Variants in ARID3B observed in about 807,000 individuals in gnomAD.
The protein encoded by ARID3B is AT-rich interaction domain 3B, also known as AT-rich interactive domain-containing protein 3B.
ARID3B carries 10 observed loss-of-function variants against 51.9 expected under a neutral mutation model. That is an observed-to-expected ratio of 0.19 (90% CI 0.12 to 0.33). ARID3B has a LOEUF of 0.33. Among genes scored for constraint, ARID3B ranks in the 10% least tolerant of loss-of-function variants. The pLI, the probability that ARID3B is intolerant of heterozygous loss-of-function variation, is 1.00. For synonymous variants in ARID3B, 205 were observed against 279.5 expected (o/e 0.73, Z 2.66); for missense variants, 483 against 716.3 (o/e 0.67, Z 3.72).
chr15:74,591,406 G>A lies in ARID3B; in HGVS notation c.1137G>A (p.Arg379=). ...GTGGTACCAATACCAGTAGCCCTCG[G>A]ATATCCCCAGCAACCACTCTCAGGA... ...SSSGTNTSSP[R]ISPATTLRKG... Residue 379 remains arginine (R), a synonymous_variant, in exon 6 of 9, where the codon CGG becomes CGA. Coordinates refer to ENST00000346246, the MANE Select transcript of ARID3B (RefSeq NM_006465.4). This position sits in a 1 kb window ranked among gnomAD's most constrained non-coding sequence, Gnocchi z 5.8. 6.2e-7 allele frequency: 1 copy of A among 1,607,624 alleles called. No individual in the cohort carries two copies. Among genetic ancestry groups the A allele is most frequent in the Non-Finnish European group, 8.5e-7 (1 of 1,174,566 alleles).
Position 74,593,189 on chromosome 15 carries a change from T to C in ARID3B, c.1472T>C (p.Ile491Thr), listed in dbSNP as rs756104705. 4.4e-5 allele frequency: 71 copies of C among 1,613,590 alleles called. No homozygotes were observed. Among genetic ancestry groups the C allele is most frequent in the African/African-American group, 9.3e-5 (7 of 74,896 alleles). The change falls in exon 8 of 9, where the codon ATT becomes ACT. Residue 491 changes from isoleucine (I) to threonine (T), a missense_variant. By Grantham distance (89) the Ile-to-Thr change is moderately conservative. This residue lies in a region of ARID3B where 265 missense variants were observed against 354.4 expected (regional missense o/e 0.75). Coordinates refer to ENST00000346246, the MANE Select transcript of ARID3B (RefSeq NM_006465.4). ...AAALNLTTSS[I>T]GSINMSVDID... ...GCACTGAACCTGACCACGAGTAGCATTGGGAGCATTAACATGTCTGTGGAC... is the reference window on the plus strand; with the variant it reads ...GCACTGAACCTGACCACGAGTAGCACTGGGAGCATTAACATGTCTGTGGAC...
chr15:74,585,215 G>T (rs549637704), intron 4 of ARID3B, among the ~76,000 whole-genome samples: 1 of 152,336 alleles, frequency 6.6e-6, no homozygotes, highest in African/African-American at 2.4e-5. Context: ...TCTCTCTTCA[G>T]TGGGTGTTTG....
intron 4 of ARID3B, among the ~76,000 whole-genome samples, chr15:74,581,398 T>C (rs2061761336): frequency 6.6e-6 from 1 of 152,222 alleles, no homozygotes; most frequent in African/African-American, 2.4e-5. Context: ...GTGGAGGCAA[T>C]TTCTTGTATA....
intron 4 of ARID3B, among the ~76,000 whole-genome samples, chr15:74,582,253 C>T (rs894620547): frequency 3.3e-5 from 5 of 152,028 alleles, no homozygotes; most frequent in African/African-American, 1.2e-4. Context: ...CTGCAACCTC[C>T]GCCGCCCGGG....
intron 2 of ARID3B, among the ~76,000 whole-genome samples, chr15:74,571,138 C>T (rs768306893): frequency 3.9e-5 from 6 of 152,118 alleles, no homozygotes; most frequent in African/African-American, 9.7e-5. Flanking sequence ...TTGCTGCTAT[C>T]GGAAAGTGGG....
At chr15:74,580,064 G>A (rs1342436113) in intron 4 of ARID3B, among the ~76,000 whole-genome samples, 1 of 152,114 alleles carries the variant, frequency 6.6e-6, no homozygotes, top group African/African-American at 2.4e-5. Context: ...GGTGGCACAT[G>A]CTGGCAATCC....
chr15:74,558,178 C>CTTTTTTTTTTTTTTT (rs1208034661), intron 2 of ARID3B, among the ~76,000 whole-genome samples: 1 of 104,666 alleles, frequency 9.6e-6, no homozygotes, highest in Non-Finnish European at 1.9e-5. Flanking sequence ...TGGTTTGTGT[C>CTTTTTTTTTTTTTTT]TTTTTTTTTT....
At chr15:74,556,762 T>G (rs2061659492) in intron 2 of ARID3B, among the ~76,000 whole-genome samples, 1 of 145,918 alleles carries the variant, frequency 6.9e-6, no homozygotes, top group African/African-American at 2.6e-5. Context: ...CCTTTTTTCT[T>G]TTTTTTGTTT....
rs2061725106 is a variant in ARID3B, at chr15:74,573,140, A to G, written c.633A>G (p.Glu211=). The G allele has an allele frequency of 6.2e-7, 1 of 1,614,058 alleles. No individual in the cohort carries two copies. The highest frequency in any genetic ancestry group is 1.3e-5 in the African/African-American group (1 of 75,052). The change falls in exon 4 of 9, where the codon GAA becomes GAG. Residue 211 remains glutamate, a synonymous_variant. Coordinates refer to ENST00000346246, the MANE Select transcript of ARID3B (RefSeq NM_006465.4). ...EISRDFAKLY[E]LDGDPERKEF... is the part of the protein sequence containing the mutation. ...GGGGATTGGGATTGCAGCTGTATGAACTGGACGGTGATCCTGAAAGGAAAG... is the reference window on the plus strand; with the variant it reads ...GGGGATTGGGATTGCAGCTGTATGAGCTGGACGGTGATCCTGAAAGGAAAG...
chr15:74,587,145 T>G (rs549756329), intron 4 of ARID3B, among the ~76,000 whole-genome samples: 5 of 152,210 alleles, frequency 3.3e-5, no homozygotes, highest in Non-Finnish European at 7.3e-5. Context: ...AGAGTTTTCA[T>G]AGGTTTTTAA....
intron 2 of ARID3B, among the ~76,000 whole-genome samples, chr15:74,558,338 C>T (rs568156065): frequency 1.3e-5 from 2 of 151,910 alleles, no homozygotes; most frequent in East Asian, 3.9e-4. Context: ...ATTTAATTTT[C>T]TAATTTCTAA....
At chr15:74,555,361 A>G (rs1229937533) in intron 2 of ARID3B, among the ~76,000 whole-genome samples, 1 of 151,370 alleles carries the variant, frequency 6.6e-6, no homozygotes, top group South Asian at 2.1e-4. Flanking sequence ...GCAGGGTCTC[A>G]CTCTTTCACC....
Position 74,595,779 on chromosome 15 carries a change from C to G in ARID3B, c.*5C>G. ...TCCACCAGCTGGTCCCTCTGATGGGCAGGACCCAGCTTCCCACTTGCCACT... is the reference window on the plus strand; with the variant it reads ...TCCACCAGCTGGTCCCTCTGATGGGGAGGACCCAGCTTCCCACTTGCCACT... On this transcript the variant is annotated 3_prime_UTR_variant, in exon 9 of 9. Coordinates refer to ENST00000346246, the MANE Select transcript of ARID3B (RefSeq NM_006465.4). 1 of 1,600,786 alleles carries G rather than the reference C, an allele frequency of 6.2e-7. No homozygotes were observed. The highest frequency in any genetic ancestry group is 1.1e-5 in the South Asian group (1 of 89,750).
chr15:74,552,535 G>A (rs2061642060), intron 2 of ARID3B, among the ~76,000 whole-genome samples: 2 of 150,938 alleles, frequency 1.3e-5, no homozygotes, highest in East Asian at 2.0e-4. Flanking sequence ...ACATGTATCC[G>A]CCATTGTAGT....
intron 2 of ARID3B, among the ~76,000 whole-genome samples, chr15:74,558,997 C>T (rs552156732): frequency 9.8e-5 from 15 of 152,288 alleles, no homozygotes; most frequent in African/African-American, 3.6e-4. Context: ...GCAGCTTCGC[C>T]GGGCTGGTGG....
chr15:74,562,040 TAA>T (rs529889069), intron 2 of ARID3B, among the ~76,000 whole-genome samples: 34 of 125,378 alleles, frequency 2.7e-4, no homozygotes, highest in Non-Finnish European at 2.5e-4. Context: ...GACTCTGTCT[TAA>T]AAAAAAAAAA....
At chr15:74,583,716 CAAA>C (rs758278318) in intron 4 of ARID3B, among the ~76,000 whole-genome samples, 2 of 111,204 alleles carry the variant, frequency 1.8e-5, no homozygotes, top group Non-Finnish European at 1.9e-5. Flanking sequence ...GACTCTGTCT[CAAA>C]AAAAAAAAAA....
intron 2 of ARID3B, among the ~76,000 whole-genome samples, chr15:74,568,356 C>T (rs568140791): frequency 6.6e-5 from 10 of 152,300 alleles, no homozygotes; most frequent in Non-Finnish European, 1.0e-4. Context: ...CAGAACACTT[C>T]GTGTTATTCT....
chr15:74,555,983 G>A (rs548937396), intron 2 of ARID3B, among the ~76,000 whole-genome samples: 62 of 151,518 alleles, frequency 4.1e-4, no homozygotes, highest in Non-Finnish European at 7.2e-4. Context: ...TAGTAGAGAC[G>A]GGGTTTCACC....
Sources: gnomAD v4.1 joint callset for allele counts (sites outside exome capture counted in the v4.1 genomes callset) on GRCh38, gnomAD v4.1.1 for gene constraint, gnomAD v4.1.1 regional missense constraint, Gnocchi (gnomAD v3.1) non-coding constraint, MANE v1.5 for transcripts, NCBI Gene and HGNC (gene_info 2026-07-23, HGNC 2026-07-21) for gene names.